Variants in IL1RAPL2 observed in about 807,000 individuals in gnomAD.
IL1RAPL2 encodes the protein X-linked interleukin-1 receptor accessory protein-like 2.
IL1RAPL2 carries 3 observed loss-of-function variants against 44.1 expected under a neutral mutation model. That is an observed-to-expected ratio of 0.07 (90% CI 0.03 to 0.18). IL1RAPL2 has a LOEUF of 0.18. IL1RAPL2 is among the 10% of genes least tolerant of loss of function. The pLI is 1.00. For synonymous variants in IL1RAPL2, 181 were observed against 178.8 expected (o/e 1.01, Z -0.10); for missense variants, 391 against 496.4 (o/e 0.79, Z 2.02).
intron 3 of IL1RAPL2, among the ~76,000 whole-genome samples, chrX:105,206,182 C>T (rs2033762430): frequency 9.0e-6 from 1 of 111,567 alleles, no homozygotes; most frequent in Non-Finnish European, 1.9e-5. Flanking sequence ...GAGCACTTAT[C>T]ACCAATACTG....
At chrX:105,683,081 G>A (rs1166290471) in intron 6 of IL1RAPL2, among the ~76,000 whole-genome samples, 3 of 111,940 alleles carry the variant, frequency 2.7e-5, no homozygotes, top group Non-Finnish European at 5.6e-5. Context: ...GAATGACCAA[G>A]GACATTATAC....
chrX:104,826,665 C>G (rs1921458743), intron 2 of IL1RAPL2, among the ~76,000 whole-genome samples: 1 of 110,798 alleles, frequency 9.0e-6, no homozygotes, highest in Admixed American at 9.7e-5. Context: ...CCTGAATATC[C>G]TTGTTAATTT....
intron 3 of IL1RAPL2, among the ~76,000 whole-genome samples, chrX:105,202,881 A>G (rs1459990668): frequency 8.9e-6 from 1 of 112,067 alleles, no homozygotes; most frequent in Non-Finnish European, 1.9e-5. Flanking sequence ...GACTGGTTTC[A>G]CATTAAATTC....
intron 5 of IL1RAPL2, among the ~76,000 whole-genome samples, chrX:105,270,408 G>A (rs528054903): frequency 9.0e-6 from 1 of 111,503 alleles, no homozygotes; most frequent in South Asian, 3.7e-4. Flanking sequence ...GGTAGTGTGT[G>A]GGTAAAAGCG....
intron 6 of IL1RAPL2, among the ~76,000 whole-genome samples, chrX:105,699,056 G>A (rs1421681593): frequency 9.0e-6 from 1 of 111,471 alleles, no homozygotes; most frequent in Non-Finnish European, 1.9e-5. Context: ...ATGAAAATAT[G>A]TAGGGTTTTT....
chrX:104,865,221 A>G lies in IL1RAPL2; in HGVS notation c.82+206226A>G, dbSNP rs754354187. On this transcript the variant is annotated intron_variant, in intron 2 of 10. Coordinates refer to ENST00000372582, the MANE Select transcript of IL1RAPL2 (RefSeq NM_017416.2). ...GCAGAGGTTAGTGCCACCAACAAGG[A>G]CTTGAAAGATGCAAGTCTTGATACC... Among the ~76,000 whole-genome samples the G allele has an allele frequency of 2.7e-5, 3 of 111,815 alleles. No individual in the cohort carries two copies. The Admixed American group carries it at 2.8e-4, about 11-fold the overall frequency.
intron 2 of IL1RAPL2, among the ~76,000 whole-genome samples, chrX:104,878,687 A>G (rs1376454639): frequency 8.9e-6 from 1 of 111,824 alleles, no homozygotes; most frequent in Non-Finnish European, 1.9e-5. Context: ...TATCTTTCCT[A>G]CTGAATTGCT....
rs188271110 is a variant in IL1RAPL2, at chrX:104,906,899, C to A, written c.82+247904C>A. Among the ~76,000 whole-genome samples, 3 of 111,902 alleles carry A rather than the reference C, an allele frequency of 2.7e-5. No individual in the cohort carries two copies. In the Admixed American group the frequency reaches 2.8e-4, roughly 11 times the overall value. On this transcript the variant is annotated intron_variant, in intron 2 of 10. Coordinates refer to ENST00000372582, the MANE Select transcript of IL1RAPL2 (RefSeq NM_017416.2). ...AGGAAACTAGTTCCTCCTTGTACCT[C>A]TCATAGAATTCGGCTGTGAATCCTT...
chrX:105,722,425 C>T (rs1358391857), intron 7 of IL1RAPL2, among the ~76,000 whole-genome samples: 1 of 111,423 alleles, frequency 9.0e-6, no homozygotes, highest in African/African-American at 3.3e-5. Flanking sequence ...TTAACCATGT[C>T]TTCTAGCCTC....
intron 1 of IL1RAPL2, among the ~76,000 whole-genome samples, chrX:104,575,099 G>T (rs1928219665): frequency 9.0e-6 from 1 of 111,152 alleles, no homozygotes. Context: ...ACTTCAGAAG[G>T]ATTCAAGTGT....
intron 5 of IL1RAPL2, among the ~76,000 whole-genome samples, chrX:105,366,001 G>T (rs1234978166): frequency 9.1e-6 from 1 of 109,489 alleles, no homozygotes; most frequent in Non-Finnish European, 1.9e-5. Flanking sequence ...AGGCTGGAGT[G>T]CAATGGCACA....
chrX:105,400,297 C>A lies in IL1RAPL2; in HGVS notation c.698-84016C>A, dbSNP rs558804751. Among the ~76,000 whole-genome samples, 3 of 111,365 alleles carry A rather than the reference C, an allele frequency of 2.7e-5. No individual in the cohort carries two copies. The Middle Eastern group carries it at 0.014, about 528-fold the overall frequency. The stretch of plus-strand genomic sequence containing the variant: ...TCTTGTTTTTTGTTCAGGTATAGTT[C>A]AAGTCTTATGTCCTTCAAGATGACT... On this transcript the variant is annotated intron_variant, in intron 5 of 10. Transcript: ENST00000372582.
chrX:105,607,110 A>G (rs779629596), intron 6 of IL1RAPL2, among the ~76,000 whole-genome samples: 1 of 111,585 alleles, frequency 9.0e-6, no homozygotes, highest in East Asian at 2.8e-4. Flanking sequence ...TGATTTGATC[A>G]TTGCACATTG....
intron 10 of IL1RAPL2, among the ~76,000 whole-genome samples, chrX:105,757,066 T>G (rs1307109021): frequency 1.8e-5 from 2 of 111,837 alleles, no homozygotes; most frequent in African/African-American, 6.5e-5. Flanking sequence ...AGGATAAAAT[T>G]TATAACCCTT....
At chrX:104,602,122 A>G (rs977354981) in intron 1 of IL1RAPL2, among the ~76,000 whole-genome samples, 12 of 111,443 alleles carry the variant, frequency 1.1e-4, no homozygotes, top group Non-Finnish European at 2.3e-4. Flanking sequence ...TGCATTTCCA[A>G]CTGAGGTACC....
chrX:105,418,654 T>C (rs2035751709), intron 5 of IL1RAPL2, among the ~76,000 whole-genome samples: 2 of 111,929 alleles, frequency 1.8e-5, no homozygotes, highest in Admixed American at 1.9e-4. Flanking sequence ...CAGTAAAATA[T>C]ACTCACCACT....
chrX:104,717,849 T>C (rs934174521), intron 2 of IL1RAPL2, among the ~76,000 whole-genome samples: 3 of 107,954 alleles, frequency 2.8e-5, no homozygotes, highest in Non-Finnish European at 5.8e-5. Flanking sequence ...AGTGAGAACA[T>C]GTGGTGTTTG....
At chrX:104,693,836 C>T (rs1053108047) in intron 2 of IL1RAPL2, among the ~76,000 whole-genome samples, 2 of 111,551 alleles carry the variant, frequency 1.8e-5, no homozygotes, top group Admixed American at 9.6e-5. Context: ...AATTCAGCTC[C>T]CCCAATATTA....
At chrX:105,270,894 G>A (rs763127140) in intron 5 of IL1RAPL2, among the ~76,000 whole-genome samples, 1 of 111,789 alleles carries the variant, frequency 8.9e-6, no homozygotes, top group South Asian at 3.7e-4. Context: ...TATGTAAATA[G>A]AGGTTCTTTA....
Sources: gnomAD v4.1 joint callset for allele counts (sites outside exome capture counted in the v4.1 genomes callset) on GRCh38, gnomAD v4.1.1 for gene constraint, MANE v1.5 for transcripts, NCBI Gene and HGNC (gene_info 2026-07-23, HGNC 2026-07-21) for gene names.